DTNB: variants seen among roughly 807,000 people sequenced by gnomAD.
The protein encoded by DTNB is dystrobrevin beta.
Under a neutral mutation model 90.7 loss-of-function variants are expected in DTNB, and 63 were observed. That is an observed-to-expected ratio of 0.69 (90% CI 0.57 to 0.86). The LOEUF (loss-of-function observed/expected upper bound fraction) is 0.86. Among genes scored for constraint, DTNB ranks in the 40% least tolerant of loss-of-function variants. The pLI is 0.00. For missense variants in DTNB, 744 were observed against 807.1 expected (o/e 0.92, Z 0.95); for synonymous variants, 277 against 286.7 (o/e 0.97, Z 0.34).
chr2:25,622,623 C>G (rs942650645), intron 4 of DTNB, among the ~76,000 whole-genome samples: 6 of 152,166 alleles, frequency 3.9e-5, no homozygotes, highest in Non-Finnish European at 7.3e-5. Flanking sequence ...TCCAGCACAT[C>G]CCATGCTTGA....
At chr2:25,673,290 C>T (rs991088142) in intron 1 of DTNB, 96 bp downstream of exon 1, 1 of 151,636 alleles carries the variant, frequency 6.6e-6, no homozygotes, top group African/African-American at 2.4e-5. Flanking sequence ...GTCCCCAGTC[C>T]CGGCGCAGCG....
chr2:25,500,640 G>C (rs1459847072), intron 9 of DTNB, among the ~76,000 whole-genome samples: 3 of 152,020 alleles, frequency 2.0e-5, no homozygotes, highest in East Asian at 3.8e-4. Context: ...CTTTGCCAGT[G>C]AACTATAAAT....
At chr2:25,435,490 A>G (rs764329935) in intron 12 of DTNB, among the ~76,000 whole-genome samples, 18 of 152,236 alleles carry the variant, frequency 1.2e-4, no homozygotes, top group African/African-American at 2.9e-4. Context: ...GGAGCCATAC[A>G]ATATTGACCT....
intron 3 of DTNB, among the ~76,000 whole-genome samples, chr2:25,633,734 A>G (rs943623609): frequency 8.2e-5 from 12 of 147,140 alleles, no homozygotes; most frequent in East Asian, 4.0e-4. Flanking sequence ...CCTCTTCCCG[A>G]CCGCCATCCC....
chr2:25,560,614 T>A (rs536272657), intron 8 of DTNB, among the ~76,000 whole-genome samples: 49 of 152,004 alleles, frequency 3.2e-4, no homozygotes, highest in Non-Finnish European at 6.2e-4. Context: ...TGGACCTATA[T>A]CATCAGTTCT....
chr2:25,563,765 T>C (rs2058599037), intron 8 of DTNB, among the ~76,000 whole-genome samples: 1 of 152,244 alleles, frequency 6.6e-6, no homozygotes, highest in African/African-American at 2.4e-5. Context: ...CAACAACAAA[T>C]ACAAGGGTTT....
intron 8 of DTNB, among the ~76,000 whole-genome samples, chr2:25,563,029 C>T (rs1028868682): frequency 6.6e-6 from 1 of 152,156 alleles, no homozygotes; most frequent in Non-Finnish European, 1.5e-5. Context: ...CTCAGCCTCC[C>T]GAAGTGCTGG....
chr2:25,653,701 G>A (rs1274472064), intron 1 of DTNB, among the ~76,000 whole-genome samples: 1 of 151,640 alleles, frequency 6.6e-6, no homozygotes, highest in African/African-American at 2.4e-5. Flanking sequence ...TAGTAGAGAT[G>A]GGGTTTCACC....
chr2:25,633,945 C>T (rs1289946153), intron 3 of DTNB, among the ~76,000 whole-genome samples: 2 of 151,764 alleles, frequency 1.3e-5, no homozygotes, highest in Admixed American at 6.6e-5. Context: ...GCAACCGCCC[C>T]GTCTGAGAAG....
chr2:25,446,348 C>T (rs191637019), intron 12 of DTNB, among the ~76,000 whole-genome samples: 135 of 152,248 alleles, frequency 8.9e-4, no homozygotes, highest in African/African-American at 3.2e-3. Flanking sequence ...GCAATTCTCC[C>T]ACGTCAGCCT....
chr2:25,415,200 A>G (rs2047585964), intron 16 of DTNB, among the ~76,000 whole-genome samples: 1 of 151,808 alleles, frequency 6.6e-6, no homozygotes, highest in Non-Finnish European at 1.5e-5. Context: ...TGATATAACC[A>G]ATATATATTT....
At chr2:25,650,397 T>C (rs1488227073) in intron 2 of DTNB, among the ~76,000 whole-genome samples, 1 of 152,156 alleles carries the variant, frequency 6.6e-6, no homozygotes, top group Non-Finnish European at 1.5e-5. Context: ...ATGACCCCTA[T>C]GCTGAGTTTT....
intron 1 of DTNB, among the ~76,000 whole-genome samples, chr2:25,670,527 G>A (rs2085590366): frequency 6.6e-6 from 1 of 152,232 alleles, no homozygotes; most frequent in Admixed American, 6.5e-5. Flanking sequence ...TGACAAGTGA[G>A]TGTGTGTTCT....
intron 16 of DTNB, among the ~76,000 whole-genome samples, chr2:25,410,073 T>A (rs1215437572): frequency 6.6e-6 from 1 of 152,204 alleles, no homozygotes; most frequent in Non-Finnish European, 1.5e-5. Flanking sequence ...TTTTTCTTCA[T>A]CCTTTTCTGT....
At chr2:25,548,495 G>T (rs2082915964) in intron 8 of DTNB, among the ~76,000 whole-genome samples, 1 of 151,998 alleles carries the variant, frequency 6.6e-6, no homozygotes, top group South Asian at 2.1e-4. Context: ...ACAGAAGGAG[G>T]TGAGGGAGGG....
intron 10 of DTNB, among the ~76,000 whole-genome samples, chr2:25,471,780 A>AC (rs1449097979): frequency 3.3e-5 from 3 of 90,622 alleles, no homozygotes; most frequent in South Asian, 4.2e-4. Flanking sequence ...TTCCCTCCCC[A>AC]CCCCCCCATT....
intron 9 of DTNB, among the ~76,000 whole-genome samples, chr2:25,510,508 T>C (rs2073700034): frequency 6.6e-6 from 1 of 152,002 alleles, no homozygotes; most frequent in South Asian, 2.1e-4. Context: ...AGTGCCTTTC[T>C]TCTTCTTTTT....
chr2:25,510,570 C>T (rs1318971329), intron 9 of DTNB, among the ~76,000 whole-genome samples: 12 of 151,534 alleles, frequency 7.9e-5, no homozygotes, highest in South Asian at 4.2e-4. Context: ...TACAGTGATG[C>T]GATCTCGGCT....
chr2:25,510,826 G>A (rs960899710), intron 9 of DTNB, among the ~76,000 whole-genome samples: 3 of 152,168 alleles, frequency 2.0e-5, no homozygotes, highest in African/African-American at 4.8e-5. Flanking sequence ...TTTCTACAAA[G>A]AGAATTTATG....
Sources: gnomAD v4.1 joint callset for allele counts (sites outside exome capture counted in the v4.1 genomes callset) on GRCh38, gnomAD v4.1.1 for gene constraint, MANE v1.5 for transcripts, NCBI Gene and HGNC (gene_info 2026-07-23, HGNC 2026-07-21) for gene names.